LRP1B: variants seen among roughly 807,000 people sequenced by gnomAD.
The protein encoded by LRP1B is LDL receptor related protein 1B.
A neutral mutation model predicts 556.6 loss-of-function variants in LRP1B; 217 were observed. The observed-to-expected ratio is 0.39, with a 90% CI of 0.35 to 0.44. The LOEUF (loss-of-function observed/expected upper bound fraction) is 0.44, where lower values mean the gene tolerates loss of function less well. Among genes scored for constraint, LRP1B ranks in the 20% least tolerant of loss-of-function variants. The pLI, the probability that LRP1B is intolerant of heterozygous loss-of-function variation, is 1.00. For synonymous variants in LRP1B, 2,047 were observed against 1,865.8 expected, an observed-to-expected ratio of 1.10 and a Z score of -2.50; for missense variants, 5,053 against 5,620.8, an observed-to-expected ratio of 0.90 and a Z score of 3.23.
chr2:140,312,557 T>C (rs910403537), intron 83 of LRP1B, among the ~76,000 whole-genome samples: 5 of 151,918 alleles, frequency 3.3e-5, no homozygotes, highest in Non-Finnish European at 5.9e-5. Flanking sequence ...CATAAAATCT[T>C]TCAAAAATTT....
At chr2:141,072,825 T>C (rs1213018635) in intron 7 of LRP1B, among the ~76,000 whole-genome samples, 2 of 152,106 alleles carry the variant, frequency 1.3e-5, no homozygotes, top group Admixed American at 6.6e-5. Flanking sequence ...TGTTTTCTTA[T>C]AGCCCCAGCT....
chr2:141,805,223 G>A (rs532366819), intron 2 of LRP1B: 1 of 152,184 alleles, frequency 6.6e-6, no homozygotes, highest in Admixed American at 6.6e-5. Flanking sequence ...TTTCCAAAAT[G>A]AGGTTATCTA....
intron 2 of LRP1B, among the ~76,000 whole-genome samples, chr2:141,564,347 G>T (rs1686259877): frequency 6.6e-6 from 1 of 152,086 alleles, no homozygotes; most frequent in Non-Finnish European, 1.5e-5. Flanking sequence ...AGAAAAAGAA[G>T]AATCTGTGAA....
chr2:141,945,307 T>C (rs187903131), intron 1 of LRP1B, among the ~76,000 whole-genome samples: 10 of 152,282 alleles, frequency 6.6e-5, no homozygotes, highest in Admixed American at 2.6e-4. Context: ...TAGCAGTTTG[T>C]CAAACTAAAT....
intron 1 of LRP1B, among the ~76,000 whole-genome samples, chr2:142,029,893 T>A (rs536852867): frequency 2.1e-4 from 32 of 151,366 alleles, no homozygotes; most frequent in African/African-American, 7.5e-4. Flanking sequence ...GTGACAAGAT[T>A]AAAGAGGTTT....
chr2:141,746,677 G>T (rs1693925537), intron 2 of LRP1B, among the ~76,000 whole-genome samples: 1 of 152,002 alleles, frequency 6.6e-6, no homozygotes, highest in South Asian at 2.1e-4. Flanking sequence ...GATATAGATA[G>T]TTGTTAAATT....
At chr2:141,843,646 T>A (rs1299567313) in intron 1 of LRP1B, among the ~76,000 whole-genome samples, 1 of 152,146 alleles carries the variant, frequency 6.6e-6, no homozygotes, top group African/African-American at 2.4e-5. Flanking sequence ...CCTCTTTTTA[T>A]AATTATTAAC....
chr2:140,714,392 A>G (rs1574272897), intron 37 of LRP1B, among the ~76,000 whole-genome samples: 1 of 152,110 alleles, frequency 6.6e-6, no homozygotes, highest in African/African-American at 2.4e-5. Context: ...ATAGGCTAAG[A>G]TGGATGTGGA....
intron 77 of LRP1B, among the ~76,000 whole-genome samples, chr2:140,343,547 C>A (rs1397832710): frequency 2.6e-5 from 4 of 151,508 alleles, no homozygotes; most frequent in Non-Finnish European, 4.4e-5. Flanking sequence ...ACTATGAGTG[C>A]AATCATTAAA....
intron 3 of LRP1B, among the ~76,000 whole-genome samples, chr2:141,372,052 T>G (rs192970212): frequency 3.6e-4 from 55 of 152,222 alleles, no homozygotes; most frequent in Middle Eastern, 3.4e-3. Context: ...TGTCCCTAAT[T>G]TGAAGATTTT....
At chr2:141,105,278 A>G (rs115076320) in intron 7 of LRP1B, among the ~76,000 whole-genome samples, 2,071 of 152,184 alleles carry the variant, frequency 0.014, 44 homozygotes, top group African/African-American at 0.047. Context: ...TCTGATTTCA[A>G]TCAACTTAGA....
intron 32 of LRP1B, among the ~76,000 whole-genome samples, chr2:140,789,472 G>A (rs1220473780): frequency 6.6e-6 from 1 of 151,964 alleles, no homozygotes; most frequent in African/African-American, 2.4e-5. Context: ...CCTTCAACTG[G>A]CTATGAAAGT....
At chr2:140,358,492 G>C (rs1019655559) in intron 73 of LRP1B, among the ~76,000 whole-genome samples, 1 of 151,690 alleles carries the variant, frequency 6.6e-6, no homozygotes, top group African/African-American at 2.4e-5. Context: ...TCAGAAAAAA[G>C]AATTGCATAG....
chr2:141,412,355 G>A (rs1327006964), intron 3 of LRP1B, among the ~76,000 whole-genome samples: 1 of 152,124 alleles, frequency 6.6e-6, no homozygotes, highest in African/African-American at 2.4e-5. Context: ...TTTCCCACCT[G>A]CAGTTTCTCT....
intron 7 of LRP1B, among the ~76,000 whole-genome samples, chr2:141,172,200 G>A (rs1439562939): frequency 1.3e-5 from 2 of 152,032 alleles, no homozygotes; most frequent in Non-Finnish European, 2.9e-5. Flanking sequence ...GCACTTCATG[G>A]GAAGTATTCA....
chr2:141,800,177 A>G (rs1238066456), intron 2 of LRP1B, among the ~76,000 whole-genome samples: 1 of 152,160 alleles, frequency 6.6e-6, no homozygotes, highest in Non-Finnish European at 1.5e-5. Context: ...GATAGCATAT[A>G]TACATGAGGT....
chr2:140,798,740 T>C (rs540397947), intron 32 of LRP1B, among the ~76,000 whole-genome samples: 1 of 152,292 alleles, frequency 6.6e-6, no homozygotes, highest in East Asian at 1.9e-4. Context: ...ACAGTTAGTA[T>C]TGTTTAAAAT....
intron 7 of LRP1B, among the ~76,000 whole-genome samples, chr2:141,115,517 C>T (rs10210773): frequency 0.31 from 41,646 of 135,576 alleles, 6,374 homozygotes; most frequent in East Asian, 0.67. Flanking sequence ...AGTGCAATGT[C>T]GTGATCTTGG....
chr2:140,881,556 AC>A (rs1199914272), intron 25 of LRP1B, among the ~76,000 whole-genome samples: 9 of 145,364 alleles, frequency 6.2e-5, no homozygotes, highest in African/African-American at 2.4e-4. Context: ...TCCAGTTAAC[AC>A]TTAGAGTTTA....
Sources: allele counts gnomAD v4.1 joint callset (sites outside exome capture counted in the v4.1 genomes callset), GRCh38; gene constraint gnomAD v4.1.1; transcripts MANE v1.5; gene names NCBI Gene and HGNC (gene_info 2026-07-23, HGNC 2026-07-21).